Variants in BMP8A observed in about 807,000 individuals in gnomAD.
BMP8A encodes BMP-8A.
Under a neutral mutation model 36.8 loss-of-function variants are expected in BMP8A, and 14 were observed. The ratio of observed to expected loss-of-function variants is 0.38; its 90% CI spans 0.25 to 0.60. BMP8A has a LOEUF of 0.60. Among genes scored for constraint, BMP8A ranks in the 20% least tolerant of loss-of-function variants. BMP8A has a pLI of 0.63. For missense variants in BMP8A, 267 were observed against 551.1 expected, an observed-to-expected ratio of 0.48 and a Z score of 5.16; for synonymous variants, 120 against 237.7, an observed-to-expected ratio of 0.50 and a Z score of 4.55.
chr1:39,500,094 C>T (rs1355926634), intron 1 of BMP8A, among the ~76,000 whole-genome samples: 1 of 152,218 alleles, frequency 6.6e-6, no homozygotes. Flanking sequence ...ACCTCAGCCC[C>T]CTGACCACTA....
rs151244966 is a variant in BMP8A at position 39,508,478 on chromosome 1, C to G, written c.335-2696C>G. 2.4e-3 allele frequency among the ~76,000 whole-genome samples: 363 copies of G among 152,326 alleles called. 1 individual carries two copies. The highest frequency in any genetic ancestry group is 3.7e-3 in the Non-Finnish European group (252 of 68,022). ...GGTGGGAAGGACAGAATCCCCACTT[C>G]GCAGATAAGGAGACTGATATCACAT... On this transcript the variant is annotated intron_variant, in intron 1 of 6. Coordinates refer to ENST00000331593, the MANE Select transcript of BMP8A (RefSeq NM_181809.4).
intron 1 of BMP8A, among the ~76,000 whole-genome samples, chr1:39,505,670 T>C (rs1645294744): frequency 6.6e-6 from 1 of 152,124 alleles, no homozygotes; most frequent in Admixed American, 6.5e-5. Flanking sequence ...ATGCTACAAA[T>C]AACTGACCAG....
intron 1 of BMP8A, among the ~76,000 whole-genome samples, chr1:39,506,352 G>A (rs555004732): frequency 3.3e-5 from 5 of 152,176 alleles, no homozygotes; most frequent in African/African-American, 1.2e-4. Context: ...GGGATTACAG[G>A]CACCTACCAC....
chr1:39,500,150 G>A (rs1645240954), intron 1 of BMP8A, among the ~76,000 whole-genome samples: 1 of 152,166 alleles, frequency 6.6e-6, no homozygotes, highest in African/African-American at 2.4e-5. Flanking sequence ...AACATGCAGA[G>A]CCTTTGTATC....
chr1:39,529,774 T>C lies in BMP8A; in HGVS notation c.*3976T>C, dbSNP rs1645517339. ...ATGACATATGGATATTTTACAAAGTTAGGATCCTACTCTATGCACTGCTTG... is the reference window on the plus strand; with the variant it reads ...ATGACATATGGATATTTTACAAAGTCAGGATCCTACTCTATGCACTGCTTG... On this transcript the variant is annotated 3_prime_UTR_variant, in exon 7 of 7. Coordinates refer to ENST00000331593, the MANE Select transcript of BMP8A (RefSeq NM_181809.4). 6.6e-6 allele frequency among the ~76,000 whole-genome samples: 1 copy of C among 152,250 alleles called. No homozygotes were observed. The highest frequency in any genetic ancestry group is 1.5e-5 in the Non-Finnish European group (1 of 68,044).
At chr1:39,494,632 G>A (rs1645189319) in intron 1 of BMP8A, among the ~76,000 whole-genome samples, 1 of 152,244 alleles carries the variant, frequency 6.6e-6, no homozygotes, top group African/African-American at 2.4e-5. Flanking sequence ...TGGGATTACA[G>A]GCGTGAACCA....
At chr1:39,518,798 C>G (rs1299234796) in intron 3 of BMP8A, among the ~76,000 whole-genome samples, 2 of 149,488 alleles carry the variant, frequency 1.3e-5, no homozygotes, top group Non-Finnish European at 2.9e-5. Context: ...TCACCACCCC[C>G]CATCTTGCCC....
rs111446145 is a variant in BMP8A at position 39,508,520 on chromosome 1, C to G, written c.335-2654C>G. ...ATATCACATAGGTTGCCCACAGGGT[C>G]GGGACTGGGACCAGGAGCCCAGTTA... is the stretch of plus-strand genomic sequence containing the variant. On this transcript the variant is annotated intron_variant, in intron 1 of 6. Coordinates refer to ENST00000331593, the MANE Select transcript of BMP8A (RefSeq NM_181809.4). Among the ~76,000 whole-genome samples, 808 of 152,320 alleles carry G rather than the reference C, an allele frequency of 5.3e-3. 4 individuals are homozygous for G. The highest frequency in any genetic ancestry group is 0.018 in the African/African-American group (744 of 41,544).
intron 1 of BMP8A, among the ~76,000 whole-genome samples, chr1:39,507,185 G>A (rs979463268): frequency 1.3e-5 from 2 of 152,178 alleles, no homozygotes; most frequent in Admixed American, 1.3e-4. Context: ...TCAGATGATC[G>A]GGATCAGGAC....
intron 1 of BMP8A, among the ~76,000 whole-genome samples, chr1:39,496,093 G>A (rs112045472): frequency 3.5e-3 from 538 of 151,594 alleles, no homozygotes; most frequent in Middle Eastern, 0.014. Flanking sequence ...GACCTGGAAC[G>A]GTGGCACCAT....
Position 39,511,250 on chromosome 1 carries a change from T to G in BMP8A, c.411T>G (p.Ala137=), listed in dbSNP as rs1267428942. The G allele has an allele frequency of 7.2e-7, 1 of 1,388,628 alleles. No individual in the cohort carries two copies. The highest frequency in any genetic ancestry group is 9.8e-7 in the Non-Finnish European group (1 of 1,017,460). The allele number at this position is 1,388,628 out of a possible 1,614,324, so 86.0% of individuals were successfully genotyped here. ...EFRFDLTQIP[A]GEAVTAAEFR... is the part of the protein sequence containing the mutation. ...GCTTTGACCTGACCCAGATCCCGGC[T>G]GGGGAGGCGGTCACAGCTGCGGAGT... The change falls in exon 2 of 7, where the codon GCT becomes GCG. Residue 137 remains alanine, a synonymous_variant. Coordinates refer to ENST00000331593, the MANE Select transcript of BMP8A (RefSeq NM_181809.4).
intron 1 of BMP8A, among the ~76,000 whole-genome samples, chr1:39,501,874 T>G (rs952758354): frequency 6.6e-6 from 1 of 152,242 alleles, no homozygotes; most frequent in Non-Finnish European, 1.5e-5. Context: ...CTGCCAGCAA[T>G]GCCCAGAAGT....
At chr1:39,510,864 G>A (rs1050648968) in intron 1 of BMP8A, among the ~76,000 whole-genome samples, 16 of 152,278 alleles carry the variant, frequency 1.1e-4, no homozygotes, top group Non-Finnish European at 1.8e-4. Context: ...CTCATCTCTG[G>A]GTCCCAGGAC....
chr1:39,511,048 C>G (rs1212409002), intron 1 of BMP8A, 126 bp from the exon 2 acceptor site: 1 of 1,427,216 alleles, frequency 7.0e-7, no homozygotes, highest in Non-Finnish European at 9.5e-7. Flanking sequence ...CCGGCCCCAC[C>G]CAGGCCTCCC....
intron 1 of BMP8A, among the ~76,000 whole-genome samples, chr1:39,500,978 A>T (rs1163069358): frequency 6.6e-6 from 1 of 152,184 alleles, no homozygotes; most frequent in South Asian, 2.1e-4. Context: ...TTGGCATACA[A>T]TTCTAGTGGC....
rs1645484607 is a variant in BMP8A, at chr1:39,526,467, T to C, written c.*669T>C. Among the ~76,000 whole-genome samples the C allele has an allele frequency of 6.6e-6, 1 of 151,848 alleles. No homozygotes were observed. Among genetic ancestry groups the C allele is most frequent in the South Asian group, 2.1e-4 (1 of 4,814 alleles). The stretch of plus-strand genomic sequence containing the variant: ...AATTCTCGTGCCTCAGCCTCCTGAG[T>C]AGCTGGGATTACAGGGGCCCACCAC... On this transcript the variant is annotated 3_prime_UTR_variant, in exon 7 of 7. Transcript: ENST00000331593.
chr1:39,499,025 C>T (rs538278087), intron 1 of BMP8A, among the ~76,000 whole-genome samples: 5 of 152,168 alleles, frequency 3.3e-5, no homozygotes, highest in African/African-American at 1.2e-4. Context: ...TCTGGGGCCC[C>T]GGAACACAGC....
chr1:39,514,893 C>G (rs1645383333), intron 3 of BMP8A: 5 of 1,415,962 alleles, frequency 3.5e-6, no homozygotes, highest in Non-Finnish European at 2.8e-6. Context: ...TGCTCTGTGA[C>G]GCGCGGCCCG....
At chr1:39,518,169 C>T (rs1002176214) in intron 3 of BMP8A, among the ~76,000 whole-genome samples, 3 of 152,116 alleles carry the variant, frequency 2.0e-5, no homozygotes, top group Non-Finnish European at 2.9e-5. Flanking sequence ...GGTGCATGCA[C>T]TGCATAAGTG....
Sources: allele counts gnomAD v4.1 joint callset (sites outside exome capture counted in the v4.1 genomes callset), GRCh38; gene constraint gnomAD v4.1.1; transcripts MANE v1.5; gene names NCBI Gene and HGNC (gene_info 2026-07-23, HGNC 2026-07-21).